Variants in CNTN5 observed in about 807,000 individuals in gnomAD.
CNTN5 encodes the protein contactin-5.
CNTN5 carries 77 observed loss-of-function variants against 129.1 expected under a neutral mutation model. The ratio of observed to expected loss-of-function variants is 0.60; its 90% CI spans 0.50 to 0.72. The LOEUF is 0.72. Ranked by LOEUF, CNTN5 falls within the 30% of genes least tolerant of loss-of-function variation. The pLI is 0.00. For synonymous variants in CNTN5, 509 were observed against 465.6 expected (o/e 1.09, Z -1.20); for missense variants, 1,478 against 1,328.8 (o/e 1.11, Z -1.75).
At chr11:99,254,744 A>G (rs541294872) in intron 1 of CNTN5, among the ~76,000 whole-genome samples, 2 of 152,120 alleles carry the variant, frequency 1.3e-5, no homozygotes, top group African/African-American at 4.8e-5. Flanking sequence ...ATAATAATGT[A>G]TGCTATCATT....
At chr11:99,850,974 A>G (rs1947854586) in intron 6 of CNTN5, among the ~76,000 whole-genome samples, 1 of 152,130 alleles carries the variant, frequency 6.6e-6, no homozygotes, top group Non-Finnish European at 1.5e-5. Flanking sequence ...CTTAACCGGA[A>G]CTAGAATTTA....
chr11:100,031,338 C>G (rs1334072489), intron 9 of CNTN5, among the ~76,000 whole-genome samples: 1 of 152,122 alleles, frequency 6.6e-6, no homozygotes, highest in African/African-American at 2.4e-5. Flanking sequence ...ATGTGCTTCC[C>G]CCTGCAGAGA....
At chr11:99,826,510 A>G (rs1011167407) in intron 4 of CNTN5, among the ~76,000 whole-genome samples, 1 of 152,196 alleles carries the variant, frequency 6.6e-6, no homozygotes, top group South Asian at 2.1e-4. Flanking sequence ...TTATTTGGTA[A>G]CATAGAATAG....
intron 3 of CNTN5, among the ~76,000 whole-genome samples, chr11:99,586,493 C>T (rs997449495): frequency 6.6e-6 from 1 of 152,158 alleles, no homozygotes; most frequent in African/African-American, 2.4e-5. Flanking sequence ...ATATCATGTT[C>T]TCTAGCCTGA....
intron 17 of CNTN5, among the ~76,000 whole-genome samples, chr11:100,256,630 G>T (rs960203701): frequency 2.0e-5 from 3 of 152,124 alleles, no homozygotes; most frequent in Admixed American, 2.0e-4. Context: ...TGGTTAGACA[G>T]TGGGTGCAGC....
intron 13 of CNTN5, among the ~76,000 whole-genome samples, chr11:100,079,868 A>AT (rs1332294532): frequency 6.6e-6 from 1 of 152,026 alleles, no homozygotes; most frequent in African/African-American, 2.4e-5. Context: ...CTCATATTGG[A>AT]TTTTCACTCC....
chr11:99,645,102 T>TA (rs140819611), intron 3 of CNTN5, among the ~76,000 whole-genome samples: 1 of 143,148 alleles, frequency 7.0e-6, no homozygotes, highest in Non-Finnish European at 1.5e-5. Flanking sequence ...CGTCTCTACT[T>TA]TAAAAAAAAA....
intron 2 of CNTN5, among the ~76,000 whole-genome samples, chr11:99,447,841 T>C (rs1364557708): frequency 6.6e-6 from 1 of 152,002 alleles, no homozygotes; most frequent in Admixed American, 6.6e-5. Flanking sequence ...AGGAGAATTG[T>C]TTGAACCCAG....
intron 6 of CNTN5, among the ~76,000 whole-genome samples, chr11:99,906,548 C>T (rs866496038): frequency 6.6e-6 from 1 of 152,102 alleles, no homozygotes; most frequent in Non-Finnish European, 1.5e-5. Flanking sequence ...TTTGGTTTGC[C>T]AATGTTTTAT....
At chr11:100,099,891 C>A (rs1945160788) in intron 13 of CNTN5, among the ~76,000 whole-genome samples, 1 of 152,086 alleles carries the variant, frequency 6.6e-6, no homozygotes, top group African/African-American at 2.4e-5. Context: ...CTTCCATATC[C>A]AGTAGGCACT....
intron 1 of CNTN5, among the ~76,000 whole-genome samples, chr11:99,080,277 G>C (rs1047025406): frequency 2.0e-5 from 3 of 152,150 alleles, no homozygotes; most frequent in Non-Finnish European, 4.4e-5. Context: ...TCAAGGCAAA[G>C]GAACAAGGTG....
At chr11:99,450,584 C>A (rs1378492745) in intron 2 of CNTN5, among the ~76,000 whole-genome samples, 1 of 151,970 alleles carries the variant, frequency 6.6e-6, no homozygotes, top group Non-Finnish European at 1.5e-5. Context: ...TGCCTGAGGC[C>A]ACCCCACTAA....
chr11:100,137,142 G>A (rs952383705), intron 13 of CNTN5, among the ~76,000 whole-genome samples: 1 of 151,922 alleles, frequency 6.6e-6, no homozygotes, highest in Non-Finnish European at 1.5e-5. Flanking sequence ...ACTAAAGAAA[G>A]ATGTTTTCCA....
intron 7 of CNTN5, among the ~76,000 whole-genome samples, chr11:99,930,055 C>A (rs891882425): frequency 4.0e-4 from 61 of 152,238 alleles, no homozygotes; most frequent in Non-Finnish European, 4.7e-4. Context: ...TTCCCCTTGT[C>A]CTTCCTGTTG....
At chr11:99,834,444 T>C (rs1310602400) in intron 4 of CNTN5, among the ~76,000 whole-genome samples, 6 of 152,158 alleles carry the variant, frequency 3.9e-5, no homozygotes, top group African/African-American at 1.4e-4. Context: ...AAAGATTGGT[T>C]TAGCCCAGGA....
intron 1 of CNTN5, among the ~76,000 whole-genome samples, chr11:99,058,456 A>G (rs1332300720): frequency 6.6e-6 from 1 of 151,912 alleles, no homozygotes; most frequent in Admixed American, 6.6e-5. Flanking sequence ...ATTTATATAT[A>G]TGTGTATATA....
At chr11:100,146,896 CAAAAT>C (rs889916041) in intron 13 of CNTN5, among the ~76,000 whole-genome samples, 69 of 152,166 alleles carry the variant, frequency 4.5e-4, no homozygotes, top group African/African-American at 1.5e-3. Context: ...CTAAGCAATG[CAAAAT>C]AAAATAAAAG....
intron 3 of CNTN5, among the ~76,000 whole-genome samples, chr11:99,724,945 A>C (rs1229947876): frequency 6.6e-6 from 1 of 152,206 alleles, no homozygotes; most frequent in Non-Finnish European, 1.5e-5. Flanking sequence ...ATTTCACATC[A>C]CAAGATAAAA....
chr11:100,357,925 C>A lies in CNTN5; in HGVS notation c.*1705C>A, dbSNP rs1204488900. Reference sequence around the variant, plus strand: ...CAAGAAATTAGTTAAAAGACTCACTCAATGATATTATAGTAAATACTACAG... The same window carrying A: ...CAAGAAATTAGTTAAAAGACTCACTAAATGATATTATAGTAAATACTACAG... On this transcript the variant is annotated 3_prime_UTR_variant, in exon 25 of 25. Transcript: ENST00000524871. 6.6e-6 allele frequency: 1 copy of A among 151,784 alleles called. No homozygotes were observed. The highest frequency in any genetic ancestry group is 1.5e-5 in the Non-Finnish European group (1 of 67,842). 9.4% of individuals were successfully genotyped at this position (151,784 alleles called of 1,614,324 possible).
Sources: allele counts gnomAD v4.1 joint callset (sites outside exome capture counted in the v4.1 genomes callset), GRCh38; gene constraint gnomAD v4.1.1; transcripts MANE v1.5; gene names NCBI Gene and HGNC (gene_info 2026-07-23, HGNC 2026-07-21).